Variants in FBXW4 observed in about 807,000 individuals in gnomAD.
FBXW4 encodes F-box/WD repeat-containing protein 4.
In FBXW4, 40 loss-of-function variants were observed where a neutral mutation model predicts 61.8. The ratio of observed to expected loss-of-function variants is 0.65; its 90% CI spans 0.50 to 0.84. The LOEUF (loss-of-function observed/expected upper bound fraction) is 0.84. Among genes scored for constraint, FBXW4 ranks in the 40% least tolerant of loss-of-function variants. The probability of loss-of-function intolerance (pLI) is 0.00; values close to 1 mark genes in which losing one functional copy is unlikely to be tolerated. For missense variants in FBXW4, 672 were observed against 753.8 expected (o/e 0.89, Z 1.27); for synonymous variants, 311 against 313.8 (o/e 0.99, Z 0.10).
chr10:101,633,267 T>C (rs1040339789), intron 5 of FBXW4, among the ~76,000 whole-genome samples: 4 of 152,192 alleles, frequency 2.6e-5, no homozygotes, highest in African/African-American at 9.6e-5. Context: ...ACTGGGTATA[T>C]ACCCAAAGGA....
At chr10:101,613,719 A>C (rs1443935055) in intron 6 of FBXW4, among the ~76,000 whole-genome samples, 2 of 152,160 alleles carry the variant, frequency 1.3e-5, no homozygotes, top group African/African-American at 4.8e-5. Context: ...AGGCCGAAGG[A>C]ATCAAAGGAG....
At chr10:101,649,977 C>T (rs1020187795) in intron 5 of FBXW4, among the ~76,000 whole-genome samples, 1 of 152,188 alleles carries the variant, frequency 6.6e-6, no homozygotes. Context: ...AAGTTTTGCT[C>T]TCCCCAGAAG....
At chr10:101,624,711 A>G in intron 6 of FBXW4, 34 bp downstream of exon 6, 1 of 1,612,340 alleles carries the variant, frequency 6.2e-7, no homozygotes, top group Non-Finnish European at 8.5e-7. Context: ...CACCTCCTGG[A>G]CTGGAAGCCA....
intron 6 of FBXW4, among the ~76,000 whole-genome samples, chr10:101,618,501 C>T (rs1338555993): frequency 1.3e-5 from 2 of 152,174 alleles, no homozygotes; most frequent in East Asian, 3.8e-4. Flanking sequence ...TATTCTGCCC[C>T]TGCCTTTGTT....
chr10:101,617,023 T>C (rs2063830531), intron 6 of FBXW4, among the ~76,000 whole-genome samples: 1 of 152,148 alleles, frequency 6.6e-6, no homozygotes, highest in Non-Finnish European at 1.5e-5. Flanking sequence ...GTTGTTCTCT[T>C]TGTGTCTGCT....
chr10:101,619,608 G>A (rs558976552), intron 6 of FBXW4, among the ~76,000 whole-genome samples: 19 of 151,376 alleles, frequency 1.3e-4, no homozygotes, highest in African/African-American at 3.9e-4. Flanking sequence ...GCAGTGAGCC[G>A]AGATAGCACC....
rs1169196434 is a variant in FBXW4 at position 101,619,128 on chromosome 10, C to T, written c.1301+5617G>A. Among the ~76,000 whole-genome samples the T allele has an allele frequency of 2.0e-5, 3 of 152,306 alleles. No individual in the cohort carries two copies. The East Asian group carries it at 5.8e-4, about 29-fold the overall frequency. On this transcript the variant is annotated intron_variant, in intron 6 of 8. Transcript: ENST00000331272. ...GGGCAGGATGGCTTTGGCATAGTTC[C>T]TCAGGGCCTGATGGGATCACAGGGC...
At chr10:101,657,777 G>T (rs1041639859) in intron 5 of FBXW4, among the ~76,000 whole-genome samples, 4 of 151,770 alleles carry the variant, frequency 2.6e-5, no homozygotes, top group African/African-American at 7.3e-5. Flanking sequence ...TCTGAAGGAA[G>T]AGCCAAAAAT....
intron 5 of FBXW4, among the ~76,000 whole-genome samples, chr10:101,654,309 C>T (rs1310084235): frequency 2.0e-5 from 3 of 151,912 alleles, no homozygotes; most frequent in Admixed American, 6.6e-5. Flanking sequence ...GATAGTTGCA[C>T]AACTTTATAA....
At position 101,676,372 on chromosome 10, in the gene FBXW4, G is replaced by A. The variant is rs761901213; in HGVS notation, c.790C>T (p.Arg264Ter). 19 of 1,613,226 alleles carry A rather than the reference G, an allele frequency of 1.2e-5. No homozygotes were observed. Among genetic ancestry groups the A allele is most frequent in the East Asian group, 6.7e-5 (3 of 44,850 alleles). The change falls in exon 2 of 9, where the codon CGA becomes TGA. Residue 264 changes from arginine to a stop codon, truncating the protein, a stop_gained. Transcript: ENST00000331272. LOFTEE classifies it high-confidence loss of function. ...VSQNWRLGRC[R>*]EGILLKWRCS... ...CTCCACTTCAGCAGAATCCCCTCTC[G>A]GCAGCGCCCCAGTCTCCAGTTCTGA...
intron 7 of FBXW4, 99 bp downstream of exon 7, chr10:101,612,238 G>A: frequency 7.7e-7 from 1 of 1,293,616 alleles, no homozygotes; most frequent in Non-Finnish European, 1.0e-6. Context: ...CTGACATGGA[G>A]TCTCTGTGCC....
At chr10:101,656,432 C>T (rs2064185838) in intron 5 of FBXW4, among the ~76,000 whole-genome samples, 1 of 152,350 alleles carries the variant, frequency 6.6e-6, no homozygotes, top group East Asian at 1.9e-4. Flanking sequence ...ATCAAGCCTA[C>T]CCGCTGATCT....
At chr10:101,631,689 G>A (rs189924575) in intron 5 of FBXW4, among the ~76,000 whole-genome samples, 16 of 150,744 alleles carry the variant, frequency 1.1e-4, no homozygotes, top group Non-Finnish European at 1.6e-4. Flanking sequence ...GTGCAGTGGC[G>A]CAATCTCGGC....
At chr10:101,624,103 C>T (rs1222050241) in intron 6 of FBXW4, among the ~76,000 whole-genome samples, 3 of 152,058 alleles carry the variant, frequency 2.0e-5, no homozygotes, top group Admixed American at 6.5e-5. Context: ...CACACACACA[C>T]ACACACACAC....
chr10:101,662,413 G>A (rs1281523002), intron 5 of FBXW4, among the ~76,000 whole-genome samples: 2 of 152,058 alleles, frequency 1.3e-5, no homozygotes, highest in Admixed American at 6.6e-5. Context: ...AATTTGAATC[G>A]GTACATTTCA....
chr10:101,649,829 GAC>G (rs1168271736), intron 5 of FBXW4, among the ~76,000 whole-genome samples: 2 of 152,242 alleles, frequency 1.3e-5, no homozygotes. Context: ...GGAAAGTGAA[GAC>G]ACAGCCCCTT....
At chr10:101,632,975 G>A (rs1396438776) in intron 5 of FBXW4, among the ~76,000 whole-genome samples, 1 of 152,170 alleles carries the variant, frequency 6.6e-6, no homozygotes, top group African/African-American at 2.4e-5. Context: ...TAATACCAGG[G>A]TCAGATGAGG....
At chr10:101,659,519 G>A (rs1015759229) in intron 5 of FBXW4, 16 of 703,856 alleles carry the variant, frequency 2.3e-5, no homozygotes, top group Non-Finnish European at 2.8e-5. Flanking sequence ...AGCCCTCAGA[G>A]GTTATGAAGC....
At chr10:101,678,449 G>A (rs1331759099) in intron 1 of FBXW4, among the ~76,000 whole-genome samples, 4 of 152,070 alleles carry the variant, frequency 2.6e-5, no homozygotes, top group South Asian at 2.1e-4. Flanking sequence ...TTTTTGAGAC[G>A]GAGTCTCGCT....
Sources: gnomAD v4.1 joint callset for allele counts (sites outside exome capture counted in the v4.1 genomes callset) on GRCh38, gnomAD v4.1.1 for gene constraint, MANE v1.5 for transcripts, NCBI Gene and HGNC (gene_info 2026-07-23, HGNC 2026-07-21) for gene names.